SIDT1: variants seen among roughly 807,000 people sequenced by gnomAD.
The protein encoded by SIDT1 is SID1 transmembrane family member 1, also known as SID1 transmembrane family, member 1.
SIDT1 carries 101 observed loss-of-function variants against 107.5 expected under a neutral mutation model. The ratio of observed to expected loss-of-function variants is 0.94; its 90% CI spans 0.80 to 1.11. The LOEUF is 1.11. Ranked by LOEUF, SIDT1 falls within the 50% of genes least tolerant of loss-of-function variation. The pLI, the probability that SIDT1 is intolerant of heterozygous loss-of-function variation, is 0.00. For missense variants in SIDT1, 1,076 were observed against 1,058.2 expected, an observed-to-expected ratio of 1.02 and a Z score of -0.23; for synonymous variants, 395 against 398.2, an observed-to-expected ratio of 0.99 and a Z score of 0.10.
At chr3:113,533,793 C>T (rs1174919830) in intron 1 of SIDT1, among the ~76,000 whole-genome samples, 4 of 152,160 alleles carry the variant, frequency 2.6e-5, no homozygotes, top group South Asian at 2.1e-4. Context: ...CATTGTCACA[C>T]GTTGTGCTTC....
rs933410429 is a variant in SIDT1 at position 113,623,666 on chromosome 3, T to C, written c.2240T>C (p.Ile747Thr). 1.9e-6 allele frequency: 3 copies of C among 1,614,168 alleles called. No homozygotes were observed. Among genetic ancestry groups the C allele is most frequent in the Non-Finnish European group, 1.7e-6 (2 of 1,180,028 alleles). ...EKVLPVPLFC[I>T]VATAVMWAAA... Reference sequence around the variant, plus strand: ...GTCCTCCCAGTCCCGCTCTTCTGCATCGTGGCCACCGCTGTGATGTGGGCT... The same window carrying C: ...GTCCTCCCAGTCCCGCTCTTCTGCACCGTGGCCACCGCTGTGATGTGGGCT... Residue 747 changes from isoleucine to threonine, a missense_variant, in exon 23 of 25, where the codon ATC (isoleucine) becomes ACC (threonine). Ile to Thr is a moderately conservative substitution (Grantham distance 89). Coordinates refer to ENST00000264852, the MANE Select transcript of SIDT1 (RefSeq NM_017699.3).
rs2614196 is a variant in SIDT1 at position 113,593,303 on chromosome 3, A to G, written c.1045+255A>G. On this transcript the variant is annotated intron_variant, in intron 10 of 24. Coordinates refer to ENST00000264852, the MANE Select transcript of SIDT1 (RefSeq NM_017699.3). ...TAGGAGCTGGGCTGCACAGCAGGAGATGAGTGGCAGGTGAGCAAGTATTAC... is the reference window on the plus strand; with the variant it reads ...TAGGAGCTGGGCTGCACAGCAGGAGGTGAGTGGCAGGTGAGCAAGTATTAC... Among the ~76,000 whole-genome samples the G allele has an allele frequency of 0.061, 9,219 of 152,188 alleles. 731 individuals are homozygous for G. The highest frequency in any genetic ancestry group is 0.25 in the East Asian group (1,297 of 5,172).
intron 19 of SIDT1, among the ~76,000 whole-genome samples, chr3:113,613,407 G>C (rs1185330574): frequency 6.6e-6 from 1 of 152,196 alleles, no homozygotes. Flanking sequence ...GAGGGAATAA[G>C]GCCTCTAAAA....
intron 18 of SIDT1, among the ~76,000 whole-genome samples, chr3:113,611,389 T>C (rs899780060): frequency 2.0e-5 from 3 of 152,204 alleles, no homozygotes; most frequent in Non-Finnish European, 1.5e-5. Context: ...TGGAGTGCAG[T>C]GGCATGATCT....
chr3:113,541,132 A>G (rs1938800472), intron 1 of SIDT1, among the ~76,000 whole-genome samples: 1 of 131,222 alleles, frequency 7.6e-6, no homozygotes, highest in Admixed American at 7.1e-5. Flanking sequence ...ATATATATAT[A>G]TACACACACA....
chr3:113,588,849 T>C (rs1335524849), intron 9 of SIDT1: 1 of 148,824 alleles, frequency 6.7e-6, no homozygotes, highest in African/African-American at 2.5e-5. Flanking sequence ...CACACAGCAA[T>C]ACATGTTTAA....
chr3:113,585,797 G>A (rs1397696562), intron 9 of SIDT1, among the ~76,000 whole-genome samples: 1 of 152,152 alleles, frequency 6.6e-6, no homozygotes, highest in Admixed American at 6.5e-5. Context: ...ATGTCCCTTG[G>A]AGGGGGAAAG....
intron 13 of SIDT1, among the ~76,000 whole-genome samples, chr3:113,604,286 C>G (rs1945169371): frequency 6.6e-6 from 1 of 152,220 alleles, no homozygotes; most frequent in African/African-American, 2.4e-5. Flanking sequence ...GTATTCTACT[C>G]TTGTGACAGC....
At chr3:113,614,376 A>C (rs1945960049) in intron 19 of SIDT1, among the ~76,000 whole-genome samples, 1 of 152,216 alleles carries the variant, frequency 6.6e-6, no homozygotes, top group Non-Finnish European at 1.5e-5. Context: ...AATGGGAACT[A>C]GCCAGCCTGT....
chr3:113,615,724 T>A (rs1338752077), intron 19 of SIDT1, among the ~76,000 whole-genome samples: 2 of 152,178 alleles, frequency 1.3e-5, no homozygotes, highest in African/African-American at 4.8e-5. Flanking sequence ...AGCATGTGTT[T>A]TAAAGTAGAT....
chr3:113,568,113 T>C (rs1343837968), intron 3 of SIDT1, among the ~76,000 whole-genome samples: 2 of 152,176 alleles, frequency 1.3e-5, no homozygotes, highest in African/African-American at 4.8e-5. Flanking sequence ...GTTTTCTCCT[T>C]CCAGGTTAGT....
At chr3:113,591,119 A>G (rs1944117697) in intron 9 of SIDT1, among the ~76,000 whole-genome samples, 1 of 152,198 alleles carries the variant, frequency 6.6e-6, no homozygotes, top group Non-Finnish European at 1.5e-5. Flanking sequence ...TTGCAGATGG[A>G]GGAAGGGGCT....
At chr3:113,557,644 A>T (rs1671990896) in intron 1 of SIDT1, among the ~76,000 whole-genome samples, 1 of 152,164 alleles carries the variant, frequency 6.6e-6, no homozygotes, top group Non-Finnish European at 1.5e-5. Context: ...AGAGGCAAGG[A>T]AGTTTTCTAT....
intron 10 of SIDT1, among the ~76,000 whole-genome samples, chr3:113,593,845 A>G (rs1944351485): frequency 6.6e-6 from 1 of 152,220 alleles, no homozygotes; most frequent in African/African-American, 2.4e-5. Context: ...ACTTGGGGGA[A>G]TCCAGAGTAA....
At chr3:113,612,494 T>A (rs1343739944) in intron 19 of SIDT1, 2 of 486,428 alleles carry the variant, frequency 4.1e-6, no homozygotes, top group Admixed American at 4.7e-5. Context: ...AAACTTTGAC[T>A]TGTATTAGAG....
At chr3:113,553,627 AATC>A (rs138459190) in intron 1 of SIDT1, among the ~76,000 whole-genome samples, 4,198 of 152,302 alleles carry the variant, frequency 0.028, 96 homozygotes, top group East Asian at 0.089. Flanking sequence ...GGAAAAAAGA[AATC>A]ATGCACAGAA....
Position 113,547,802 on chromosome 3 carries a change from C to T in SIDT1, c.222+14559C>T, listed in dbSNP as rs111323789. On this transcript the variant is annotated intron_variant, in intron 1 of 24. Transcript: ENST00000264852. ...TTTCTCAAATCATAATTTTAAGAAA[C>T]TTTCTTTTGGACCTAGCCTTCTACA... 7.3e-3 allele frequency among the ~76,000 whole-genome samples: 1,117 copies of T among 152,198 alleles called. 18 individuals are homozygous for T. The highest frequency in any genetic ancestry group is 0.025 in the African/African-American group (1,056 of 41,550).
At chr3:113,621,008 C>T (rs1946428840) in intron 21 of SIDT1, among the ~76,000 whole-genome samples, 1 of 152,186 alleles carries the variant, frequency 6.6e-6, no homozygotes, top group Non-Finnish European at 1.5e-5. Context: ...GACAGACTTA[C>T]ACCGTGATTA....
intron 6 of SIDT1, 91 bp downstream of exon 6, chr3:113,581,535 C>A: frequency 2.0e-6 from 2 of 996,270 alleles, no homozygotes; most frequent in Non-Finnish European, 3.2e-6. Flanking sequence ...GGATGGCCAT[C>A]CATGATGTGC....
Sources: allele counts gnomAD v4.1 joint callset (sites outside exome capture counted in the v4.1 genomes callset), GRCh38; gene constraint gnomAD v4.1.1; transcripts MANE v1.5; gene names NCBI Gene and HGNC (gene_info 2026-07-23, HGNC 2026-07-21).